The following KIF14 variants were observed in gnomAD, a reference collection of about 807,000 sequenced individuals.
KIF14 encodes the protein kinesin family member 14.
KIF14 carries 98 observed loss-of-function variants against 176.2 expected under a neutral mutation model. That is an observed-to-expected ratio of 0.56 (90% CI 0.47 to 0.66). The LOEUF is 0.66. Among genes scored for constraint, KIF14 ranks in the 30% least tolerant of loss-of-function variants. KIF14 has a pLI of 0.00. For synonymous variants in KIF14, 566 were observed against 632.2 expected (o/e 0.90, Z 1.57); for missense variants, 1,751 against 1,920.4 (o/e 0.91, Z 1.65).
At chr1:200,571,251 C>T (rs969105578) in intron 22 of KIF14, among the ~76,000 whole-genome samples, 91 of 146,080 alleles carry the variant, frequency 6.2e-4, no homozygotes, top group African/African-American at 2.2e-3. Context: ...GGAGGGGGAG[C>T]TTATAATGAG....
chr1:200,575,198 C>T (rs898039214), intron 22 of KIF14, among the ~76,000 whole-genome samples: 2 of 151,956 alleles, frequency 1.3e-5, no homozygotes, highest in Admixed American at 6.6e-5. Context: ...CCTCGTGATC[C>T]ACCCACCTCG....
chr1:200,569,237 A>G (rs981850457), intron 23 of KIF14, among the ~76,000 whole-genome samples: 21 of 152,110 alleles, frequency 1.4e-4, no homozygotes, highest in African/African-American at 4.8e-4. Context: ...GCAGGCAGTA[A>G]TTCTTAAATT....
At chr1:200,573,066 C>T (rs16846923) in intron 22 of KIF14, among the ~76,000 whole-genome samples, 28,615 of 152,056 alleles carry the variant, frequency 0.19, 3,340 homozygotes, top group African/African-American at 0.32. Context: ...TGAATGCCCA[C>T]CCACCGTAAT....
At chr1:200,582,625 G>A (rs563604900) in intron 19 of KIF14, among the ~76,000 whole-genome samples, 320 of 152,206 alleles carry the variant, frequency 2.1e-3, no homozygotes, top group Admixed American at 7.8e-3. Flanking sequence ...CAAGGCCGGT[G>A]GATCACCTGA....
rs12042062 is a variant in KIF14 at position 200,598,216 on chromosome 1, T to C, written c.2549+21A>G. On this transcript the variant is annotated intron_variant, in intron 14 of 29. Coordinates refer to ENST00000367350, the MANE Select transcript of KIF14 (RefSeq NM_014875.3). ...GATATAGAACAGGTGCCTTTTCTTT[T>C]TTTTTAGAGGATTAACATACCAATG... 0.013 allele frequency: 20,575 copies of C among 1,593,336 alleles called. 1,294 individuals carry two copies. In the East Asian group the frequency reaches 0.15, roughly 12 times the overall value.
rs772367655 is a variant in KIF14, at chr1:200,615,375, A to G, written c.1347T>C (p.Thr449=). The G allele has an allele frequency of 3.7e-6, 6 of 1,613,200 alleles. No individual in the cohort carries two copies. Among genetic ancestry groups the G allele is most frequent in the Non-Finnish European group, 4.2e-6 (5 of 1,179,624 alleles). ...FNTCLFAYGQ[T]GSGKSYTMMG... is the part of the protein sequence containing the mutation. ...CTTACGTATATGATTTTCCAGAGCC[A>G]GTCTGACCATAAGCAAAAAGACAGG... Residue 449 remains threonine, a synonymous_variant, in exon 3 of 30, where the codon ACT becomes ACC. Coordinates refer to ENST00000367350, the MANE Select transcript of KIF14 (RefSeq NM_014875.3).
At chr1:200,591,034 A>T (rs541965212) in intron 16 of KIF14, among the ~76,000 whole-genome samples, 6 of 152,260 alleles carry the variant, frequency 3.9e-5, no homozygotes, top group Middle Eastern at 3.4e-3. Context: ...CTCAAAAAAA[A>T]ACCAAAAAAC....
At chr1:200,614,916 T>G (rs952094376) in intron 3 of KIF14, among the ~76,000 whole-genome samples, 5 of 152,076 alleles carry the variant, frequency 3.3e-5, no homozygotes, top group Non-Finnish European at 7.4e-5. Flanking sequence ...CTCCACCCTT[T>G]TTTCTTAAGA....
chr1:200,574,248 C>G (rs1293063776), intron 22 of KIF14, among the ~76,000 whole-genome samples: 2 of 152,126 alleles, frequency 1.3e-5, no homozygotes, highest in African/African-American at 4.8e-5. Flanking sequence ...AAGTTCTAAA[C>G]CCAAATATAC....
chr1:200,618,014 G>A lies in KIF14; in HGVS notation c.710C>T (p.Thr237Met), dbSNP rs372780335. The change falls in exon 2 of 30, where the codon ACG (threonine) becomes ATG (methionine). Residue 237 changes from threonine (T) to methionine (M), a missense_variant. Physicochemically the swap from Thr to Met is moderately conservative, Grantham distance 81. Coordinates refer to ENST00000367350, the MANE Select transcript of KIF14 (RefSeq NM_014875.3). ...ATCCAACTTGCTCTGAGTAGGTTTC[G>A]TTGTCAAGTGTCCTGATCTAACAAC... ...TEVVRSGHLT[T>M]KPTQSKLDIK... The A allele has an allele frequency of 5.1e-5, 82 of 1,614,112 alleles. No homozygotes were observed. The African/African-American group carries it at 8.0e-4, about 16-fold the overall frequency.
chr1:200,589,800 T>C (rs994125913), intron 17 of KIF14, among the ~76,000 whole-genome samples: 1 of 149,042 alleles, frequency 6.7e-6, no homozygotes, highest in East Asian at 2.0e-4. Flanking sequence ...TACAGGCGCA[T>C]GCTACCACAC....
At chr1:200,554,694 T>A (rs890077853) in intron 28 of KIF14, 88 bp from the exon 29 acceptor site, 11 of 681,332 alleles carry the variant, frequency 1.6e-5, no homozygotes, top group Non-Finnish European at 2.6e-5. Flanking sequence ...ATTGCCAGAA[T>A]CTTCTCTTTA....
chr1:200,617,707 T>C lies in KIF14; in HGVS notation c.1017A>G (p.Glu339=), dbSNP rs140036867. ...SAENTILPEE[E]TVVQNTSAGK... is the part of the protein sequence containing the mutation. ...CTGCAGAGGTGTTCTGAACTACAGTTTCTTCTTCGGGAAGAATTGTATTTT... is the reference window on the plus strand; with the variant it reads ...CTGCAGAGGTGTTCTGAACTACAGTCTCTTCTTCGGGAAGAATTGTATTTT... The change falls in exon 2 of 30, where the codon GAA becomes GAG. Residue 339 remains glutamate, a synonymous_variant. Coordinates refer to ENST00000367350, the MANE Select transcript of KIF14 (RefSeq NM_014875.3). 4.3e-6 allele frequency: 7 copies of C among 1,614,250 alleles called. No individual in the cohort carries two copies. The highest frequency in any genetic ancestry group is 2.2e-5 in the East Asian group (1 of 44,884).
At chr1:200,559,669 G>A (rs1373068945) in intron 26 of KIF14, among the ~76,000 whole-genome samples, 1 of 151,848 alleles carries the variant, frequency 6.6e-6, no homozygotes, top group Admixed American at 6.6e-5. Flanking sequence ...TAGCAAATCT[G>A]TAATTTAGTA....
intron 7 of KIF14, 127 bp downstream of exon 7, chr1:200,605,737 T>C (rs1350283881): frequency 3.3e-6 from 2 of 607,700 alleles, no homozygotes; most frequent in Non-Finnish European, 5.6e-6. Context: ...CTTAACAAAA[T>C]CGGTTTGTGA....
chr1:200,587,614 A>G (rs1387041457), intron 18 of KIF14, among the ~76,000 whole-genome samples: 1 of 152,268 alleles, frequency 6.6e-6, no homozygotes, highest in East Asian at 1.9e-4. Context: ...AGAGTTCAAG[A>G]CCAGCTTGGC....
intron 20 of KIF14, among the ~76,000 whole-genome samples, chr1:200,580,619 A>G (rs761980629): frequency 6.6e-6 from 1 of 152,112 alleles, no homozygotes; most frequent in East Asian, 1.9e-4. Flanking sequence ...ACAATGAAAT[A>G]CTGATACATT....
At chr1:200,605,431 T>A (rs763710817) in intron 7 of KIF14, 41 bp from the exon 8 acceptor site, 1 of 1,379,962 alleles carries the variant, frequency 7.2e-7, no homozygotes, top group Non-Finnish European at 1.0e-6. Flanking sequence ...CAGCAGACTG[T>A]AACTCAATGA....
In KIF14 at chr1:200,562,878, T is replaced by A. The variant is rs907231504; in HGVS notation, c.4072-1998A>T. Among the ~76,000 whole-genome samples, 7 of 152,096 alleles carry A rather than the reference T, an allele frequency of 4.6e-5. No individual in the cohort carries two copies. In the East Asian group the frequency reaches 1.2e-3, roughly 25 times the overall value. On this transcript the variant is annotated intron_variant, in intron 25 of 29. Transcript: ENST00000367350. ...TTTATAATTAATTCAATAACAAGTATCCAACCAAACATCTATCACATAATG... is the reference window on the plus strand; with the variant it reads ...TTTATAATTAATTCAATAACAAGTAACCAACCAAACATCTATCACATAATG...
Sources: allele counts gnomAD v4.1 joint callset (sites outside exome capture counted in the v4.1 genomes callset), GRCh38; gene constraint gnomAD v4.1.1; transcripts MANE v1.5; gene names NCBI Gene and HGNC (gene_info 2026-07-23, HGNC 2026-07-21).